The following CBX3 variants were observed in gnomAD, a reference collection of about 807,000 sequenced individuals.
CBX3 encodes chromobox 3.
A neutral mutation model predicts 22.6 loss-of-function variants in CBX3; 5 were observed. The observed-to-expected ratio is 0.22, with a 90% CI of 0.12 to 0.47. CBX3 has a LOEUF of 0.47. Ranked by LOEUF, CBX3 falls within the 20% of genes least tolerant of loss-of-function variation. The pLI is 0.99. For synonymous variants in CBX3, 50 were observed against 66.6 expected, an observed-to-expected ratio of 0.75 and a Z score of 1.21; for missense variants, 83 against 208.1, an observed-to-expected ratio of 0.40 and a Z score of 3.70.
Position 26,212,082 on chromosome 7 carries a change from G to A in CBX3, c.426G>A (p.Trp142Ter). ...TGAATTTTTCTTTTTCTTAAAACAG[G>A]AAAGATTCAGATGAGGCAGACTTGG... ...SSGELMFLMK[W>*]KDSDEADLVL... Residue 142 changes from tryptophan to a stop codon, truncating the protein, a stop_gained and splice_region_variant, in exon 6 of 6, where the codon TGG (tryptophan) becomes TGA (stop). Coordinates refer to ENST00000396386, the MANE Select transcript of CBX3 (RefSeq NM_016587.4). LOFTEE classifies it high-confidence loss of function. 1 of 1,540,984 alleles carries A rather than the reference G, an allele frequency of 6.5e-7. No homozygotes were observed. The highest frequency in any genetic ancestry group is 1.3e-5 in the South Asian group (1 of 78,144).
At chr7:26,206,124 C>G (rs1784670061) in intron 2 of CBX3, 2 of 383,494 alleles carry the variant, frequency 5.2e-6, no homozygotes, top group Non-Finnish European at 9.3e-6. Context: ...ATAACTGTTT[C>G]CAGATAGTGT....
chr7:26,206,625 G>A (rs775736575), intron 3 of CBX3, 115 bp downstream of exon 3: 4 of 955,090 alleles, frequency 4.2e-6, no homozygotes, highest in Non-Finnish European at 6.5e-6. Flanking sequence ...TAAATGTAAA[G>A]ACACTTTGAA....
intron 3 of CBX3, among the ~76,000 whole-genome samples, chr7:26,206,923 ATTATATCC>A (rs1455694305): frequency 6.6e-6 from 1 of 152,228 alleles, no homozygotes; most frequent in Non-Finnish European, 1.5e-5. Context: ...TACTAGGTTT[ATTATATCC>A]TTATACCTAA....
rs181300726 is a variant in CBX3, at chr7:26,213,365, C to T, written c.*1157C>T. On this transcript the variant is annotated 3_prime_UTR_variant, in exon 6 of 6. Coordinates refer to ENST00000396386, the MANE Select transcript of CBX3 (RefSeq NM_016587.4). ...TATATTCCTTTATGCAATTATTAGA[C>T]TTTTTTCTTTATTTGATATGCCTTT... is the stretch of plus-strand genomic sequence containing the variant. 1.1e-4 allele frequency: 9 copies of T among 80,960 alleles called. No individual in the cohort carries two copies. Among genetic ancestry groups the T allele is most frequent in the Admixed American group, 1.1e-3 (8 of 7,242 alleles). The allele number at this position is 80,960 out of a possible 1,614,324, so 5.0% of individuals were successfully genotyped here.
intron 3 of CBX3, chr7:26,208,087 C>A: frequency 5.2e-6 from 1 of 190,948 alleles, no homozygotes; most frequent in Non-Finnish European, 1.1e-5. Context: ...GTTAGCTGGG[C>A]ATGGTGGTGC....
chr7:26,202,315 G>A (rs1784520527), intron 1 of CBX3: 1 of 152,210 alleles, frequency 6.6e-6, no homozygotes, highest in Non-Finnish European at 1.5e-5. Flanking sequence ...GTGCCCTTGA[G>A]CCCCCGTGCC....
chr7:26,208,673 T>G, intron 4 of CBX3, 118 bp downstream of exon 4: 1 of 887,970 alleles, frequency 1.1e-6, no homozygotes, highest in Non-Finnish European at 1.7e-6. Context: ...CAGGCTGGAG[T>G]GCAATGGCAT....
At position 26,203,067 on chromosome 7, in the gene CBX3, T is replaced by C. The variant is rs751022345; in HGVS notation, c.24+45T>C. The C allele has an allele frequency of 2.3e-6, 3 of 1,305,574 alleles. No individual in the cohort carries two copies. The East Asian group carries it at 9.6e-5, about 42-fold the overall frequency. 80.9% of individuals were successfully genotyped at this position (1,305,574 alleles called of 1,614,324 possible). On this transcript the variant is annotated intron_variant, in intron 2 of 5. Coordinates refer to ENST00000396386, the MANE Select transcript of CBX3 (RefSeq NM_016587.4). Reference sequence around the variant, plus strand: ...AAATATGTAAGGATTTAACTCAAGTTTTTTTTCCCCACAGTATAACTTTGC... The same window carrying C: ...AAATATGTAAGGATTTAACTCAAGTCTTTTTTCCCCACAGTATAACTTTGC...
chr7:26,208,429 T>C lies in CBX3; in HGVS notation c.204T>C (p.Asp68=), dbSNP rs749336313. The part of the protein sequence containing the change: ...DNTWEPEENL[D]CPELIEAFLN... ...CTTGGGAACCTGAAGAAAATTTAGA[T>C]TGTCCAGAATTGATTGAAGCGTTTC... Residue 68 remains aspartate (D), a synonymous_variant, in exon 4 of 6, where the codon GAT becomes GAC. Transcript: ENST00000396386. 6.2e-7 allele frequency: 1 copy of C among 1,611,312 alleles called. No individual in the cohort carries two copies. The highest frequency in any genetic ancestry group is 2.2e-5 in the East Asian group (1 of 44,854).
chr7:26,203,735 C>A (rs561831634), intron 2 of CBX3, among the ~76,000 whole-genome samples: 1 of 151,892 alleles, frequency 6.6e-6, no homozygotes, highest in African/African-American at 2.4e-5. Context: ...ATCTTAAACA[C>A]GTAAAGGTGA....
At chr7:26,203,054 A>AT (rs1313622919) in intron 2 of CBX3, 32 bp downstream of exon 2, 1 of 1,440,618 alleles carries the variant, frequency 6.9e-7, no homozygotes, top group South Asian at 1.2e-5. Flanking sequence ...ATATGTAAGG[A>AT]TTTAACTCAA....
chr7:26,212,036 T>G, intron 5 of CBX3, 46 bp from the exon 6 acceptor site: 1 of 1,460,718 alleles, frequency 6.8e-7, no homozygotes, highest in South Asian at 1.6e-5. Flanking sequence ...TCGGTTGACA[T>G]GAACAACTTC....
intron 2 of CBX3, among the ~76,000 whole-genome samples, chr7:26,204,925 G>T (rs1784640438): frequency 6.6e-6 from 1 of 152,168 alleles, no homozygotes; most frequent in Admixed American, 6.5e-5. Flanking sequence ...AAGTAGCTGG[G>T]ATTACAGGCA....
intron 3 of CBX3, chr7:26,208,188 C>T: frequency 5.0e-6 from 2 of 397,450 alleles, no homozygotes; most frequent in Non-Finnish European, 9.4e-6. Flanking sequence ...CACTACTGCA[C>T]TCTCGTCTGG....
intron 4 of CBX3, chr7:26,209,795 A>C (rs564983494): frequency 1.3e-5 from 2 of 152,164 alleles, no homozygotes; most frequent in Non-Finnish European, 2.9e-5. Context: ...CTAGTGTGGC[A>C]ATTTGGGGAA....
At chr7:26,203,073 T>TC (rs757886449) in intron 2 of CBX3, 51 bp downstream of exon 2, 4 of 1,219,588 alleles carry the variant, frequency 3.3e-6, no homozygotes, top group Non-Finnish European at 4.6e-6. Context: ...AAGTTTTTTT[T>TC]CCCCACAGTA....
chr7:26,210,428 T>C (rs1452356535), intron 4 of CBX3: 2 of 152,250 alleles, frequency 1.3e-5, no homozygotes, highest in Non-Finnish European at 2.9e-5. Flanking sequence ...AAAATTCTGT[T>C]TTATTAACCT....
intron 1 of CBX3, chr7:26,202,098 C>G (rs929761059): frequency 6.6e-6 from 1 of 151,954 alleles, no homozygotes; most frequent in Non-Finnish European, 1.5e-5. Context: ...AGCGCATTTC[C>G]CCCTCCCCTC....
At chr7:26,202,286 G>A (rs1245255907) in intron 1 of CBX3, 3 of 152,122 alleles carry the variant, frequency 2.0e-5, no homozygotes, top group African/African-American at 7.2e-5. Flanking sequence ...GCGGGGGTAG[G>A]CGCGTGCGGT....
Sources: gnomAD v4.1 joint callset for allele counts (sites outside exome capture counted in the v4.1 genomes callset) on GRCh38, gnomAD v4.1.1 for gene constraint, MANE v1.5 for transcripts, NCBI Gene and HGNC (gene_info 2026-07-23, HGNC 2026-07-21) for gene names.